The following COL10A1 variants were observed in gnomAD, a reference collection of about 807,000 sequenced individuals.
The protein encoded by COL10A1 is collagen type X alpha 1 chain, also known as collagen alpha-1(X) chain.
A neutral mutation model predicts 18.2 loss-of-function variants in COL10A1; 10 were observed. That is an observed-to-expected ratio of 0.55 (90% confidence interval 0.34 to 0.93). COL10A1 has a LOEUF of 0.93. Among genes scored for constraint, COL10A1 ranks in the 40% least tolerant of loss-of-function variants. COL10A1 has a pLI of 0.02. For synonymous variants in COL10A1, 330 were observed against 316.6 expected (o/e 1.04, Z -0.45); for missense variants, 897 against 853.5 (o/e 1.05, Z -0.64).
upstream of COL10A1, among the ~76,000 whole-genome samples, chr6:116,161,542 G>A (rs1430487407): frequency 6.6e-6 from 1 of 151,972 alleles, no homozygotes; most frequent in East Asian, 1.9e-4. Flanking sequence ...AAGATCAGGT[G>A]TGTGGCTTTA....
At chr6:116,194,534 A>C in the COL10A1 span, among the ~76,000 whole-genome samples, 1 of 152,006 alleles carries the variant, frequency 6.6e-6, no homozygotes, top group Non-Finnish European at 1.5e-5. Flanking sequence ...GATTGAACAG[A>C]TAGAACCTGA....
chr6:116,144,822 G>A (rs1294563997), intron 1 of COL10A1, among the ~76,000 whole-genome samples: 1 of 152,112 alleles, frequency 6.6e-6, no homozygotes, highest in Non-Finnish European at 1.5e-5. Context: ...CCACATCCCA[G>A]CCACAAATAT....
At chr6:116,209,287 C>A in the COL10A1 span, among the ~76,000 whole-genome samples, 2 of 151,862 alleles carry the variant, frequency 1.3e-5, no homozygotes, top group Admixed American at 6.6e-5. Flanking sequence ...ATGTAAGCAC[C>A]TTTCTTAGCT....
chr6:116,202,756 T>A, the COL10A1 span, among the ~76,000 whole-genome samples: 1 of 152,034 alleles, frequency 6.6e-6, no homozygotes, highest in Non-Finnish European at 1.5e-5. Flanking sequence ...ATTAAAATAT[T>A]AAGACAATGA....
chr6:116,211,264 C>G, the COL10A1 span, among the ~76,000 whole-genome samples: 2 of 151,924 alleles, frequency 1.3e-5, no homozygotes, highest in African/African-American at 4.8e-5. Context: ...GATTCCATAC[C>G]CCCGGGCACA....
At chr6:116,178,088 T>TGTGCGCGC in the COL10A1 span, among the ~76,000 whole-genome samples, 5 of 99,624 alleles carry the variant, frequency 5.0e-5, no homozygotes, top group African/African-American at 2.3e-4. Context: ...TGTGTGTGTG[T>TGTGCGCGC]GCGCGCGCGC....
chr6:116,184,757 T>G, the COL10A1 span, among the ~76,000 whole-genome samples: 12 of 152,218 alleles, frequency 7.9e-5, no homozygotes, highest in African/African-American at 2.9e-4. Flanking sequence ...CTAATTGAGC[T>G]TATTTGGTTC....
At chr6:116,192,911 C>T in the COL10A1 span, among the ~76,000 whole-genome samples, 1 of 152,174 alleles carries the variant, frequency 6.6e-6, no homozygotes, top group Non-Finnish European at 1.5e-5. Flanking sequence ...CCCCAGTTGT[C>T]CTGACTGGTC....
intron 1 of COL10A1, among the ~76,000 whole-genome samples, chr6:116,157,733 G>C (rs933910150): frequency 2.6e-5 from 4 of 152,154 alleles, no homozygotes; most frequent in African/African-American, 9.7e-5. Flanking sequence ...GAAATGGTGA[G>C]AGTGGGTGGA....
chr6:116,119,890 A>T lies in COL10A1; in HGVS notation c.*183T>A, dbSNP rs1364624656. The T allele has an allele frequency of 4.8e-6, 3 of 620,848 alleles. No homozygotes were observed. Among genetic ancestry groups the T allele is most frequent in the Non-Finnish European group, 8.5e-6 (3 of 354,280 alleles). 38.5% of individuals were successfully genotyped at this position (620,848 alleles called of 1,614,324 possible). A position where few individuals can be genotyped will look rare whatever the true frequency, so the allele number is the denominator to read the frequency against. On this transcript the variant is annotated 3_prime_UTR_variant, in exon 3 of 3. Transcript: ENST00000651968. Reference sequence around the variant, plus strand: ...ACTAGAAATTCAAGAGAGGCTTCACATACGTTTTTACGTTGCTGCTCACTT... The same window carrying T: ...ACTAGAAATTCAAGAGAGGCTTCACTTACGTTTTTACGTTGCTGCTCACTT...
chr6:116,189,442 T>C, the COL10A1 span, among the ~76,000 whole-genome samples: 1 of 151,976 alleles, frequency 6.6e-6, no homozygotes, highest in Admixed American at 6.6e-5. Context: ...GGGATACTTA[T>C]TCTTTATATA....
At chr6:116,177,222 CAT>C in the COL10A1 span, among the ~76,000 whole-genome samples, 1 of 152,128 alleles carries the variant, frequency 6.6e-6, no homozygotes, top group African/African-American at 2.4e-5. Flanking sequence ...AGTTTAGTCT[CAT>C]AGATTATGTT....
chr6:116,128,735 A>G (rs1481817924), upstream of COL10A1, among the ~76,000 whole-genome samples: 1 of 152,104 alleles, frequency 6.6e-6, no homozygotes, highest in Admixed American at 6.6e-5. Context: ...GGAAATGCAC[A>G]ATTCCTTCAG....
chr6:116,182,627 T>A, the COL10A1 span, among the ~76,000 whole-genome samples: 1 of 152,162 alleles, frequency 6.6e-6, no homozygotes, highest in African/African-American at 2.4e-5. Flanking sequence ...TGCATTTCCC[T>A]GATCGCTAGT....
At chr6:116,130,844 A>G (rs1173792728), upstream of COL10A1, among the ~76,000 whole-genome samples, 1 of 152,056 alleles carries the variant, frequency 6.6e-6, no homozygotes, top group Non-Finnish European at 1.5e-5. Context: ...ACAATTTCTC[A>G]AAATAAAAAT....
the COL10A1 span, among the ~76,000 whole-genome samples, chr6:116,177,645 A>G: frequency 1.6e-4 from 24 of 152,320 alleles, no homozygotes; most frequent in African/African-American, 5.8e-4. Flanking sequence ...TACTTAAAGG[A>G]ATTTATCTAA....
the COL10A1 span, among the ~76,000 whole-genome samples, chr6:116,164,323 C>T: frequency 6.6e-6 from 1 of 152,160 alleles, no homozygotes. Flanking sequence ...GAGTTGAAGT[C>T]TTTATCATGT....
chr6:116,145,316 G>A (rs926747207), intron 1 of COL10A1: 5 of 215,838 alleles, frequency 2.3e-5, no homozygotes, highest in African/African-American at 1.1e-4. Context: ...TTTTGTCAGA[G>A]CATAAGATCT....
At chr6:116,200,191 A>G in the COL10A1 span, among the ~76,000 whole-genome samples, 3 of 152,112 alleles carry the variant, frequency 2.0e-5, no homozygotes, top group South Asian at 6.2e-4. Context: ...ACAAATCCCA[A>G]TTGAAGGACA....
Sources: gnomAD v4.1 joint callset for allele counts (sites outside exome capture counted in the v4.1 genomes callset) on GRCh38, gnomAD v4.1.1 for gene constraint, MANE v1.5 for transcripts, NCBI Gene and HGNC (gene_info 2026-07-23, HGNC 2026-07-21) for gene names.